Variants in ARID4B observed in about 807,000 individuals in gnomAD.
ARID4B encodes AT-rich interaction domain 4B.
ARID4B carries 26 observed loss-of-function variants against 147.5 expected under a neutral mutation model. The ratio of observed to expected loss-of-function variants is 0.18; its 90% confidence interval spans 0.13 to 0.24. The LOEUF (loss-of-function observed/expected upper bound fraction) is 0.24. Ranked by LOEUF, ARID4B falls within the 10% of genes least tolerant of loss-of-function variation. ARID4B has a pLI of 1.00. For missense variants in ARID4B, 1,179 were observed against 1,511.5 expected (o/e 0.78, Z 3.65); for synonymous variants, 512 against 507.9 (o/e 1.01, Z -0.11).
At chr1:235,229,016 G>A in intron 11 of ARID4B, 1 of 505,748 alleles carries the variant, frequency 2.0e-6, no homozygotes, top group Non-Finnish European at 3.3e-6. Flanking sequence ...GAGGTTATTA[G>A]GAAAATCAGG....
At chr1:235,223,055 T>A (rs1667575119) in intron 13 of ARID4B, 111 bp downstream of exon 13, 2 of 697,794 alleles carry the variant, frequency 2.9e-6, no homozygotes, top group Non-Finnish European at 4.7e-6. Flanking sequence ...CTTCTTAGGT[T>A]TTTACTGAAA....
intron 2 of ARID4B, among the ~76,000 whole-genome samples, chr1:235,265,653 C>G (rs568478732): frequency 2.1e-4 from 32 of 151,528 alleles, no homozygotes; most frequent in Non-Finnish European, 3.8e-4. Context: ...GAGCAGAGAT[C>G]GCGCCACCGC....
At chr1:235,242,736 T>C (rs1476143980) in intron 7 of ARID4B, among the ~76,000 whole-genome samples, 1 of 152,138 alleles carries the variant, frequency 6.6e-6, no homozygotes, top group East Asian at 1.9e-4. Context: ...TCACAGTATA[T>C]CAAAAAGAAA....
At chr1:235,258,847 G>A (rs1289365582) in intron 3 of ARID4B, among the ~76,000 whole-genome samples, 2 of 152,138 alleles carry the variant, frequency 1.3e-5, no homozygotes, top group East Asian at 1.9e-4. Context: ...TGGAGACTAG[G>A]TCTTAACACT....
intron 12 of ARID4B, 93 bp from the exon 13 acceptor site, chr1:235,223,353 T>TTATATATATACACGTATATATA: frequency 2.3e-5 from 6 of 256,572 alleles, no homozygotes; most frequent in Admixed American, 1.2e-4. Flanking sequence ...TTATAGTATT[T>TTATATATATACACGTATATATA]TATATATATA....
chr1:235,226,563 C>T (rs1427932666), intron 11 of ARID4B, among the ~76,000 whole-genome samples: 3 of 151,846 alleles, frequency 2.0e-5, no homozygotes, highest in Non-Finnish European at 4.4e-5. Context: ...GCTCTGTCAC[C>T]CAGGCTGGAG....
chr1:235,177,449 GTTTT>G (rs904261405), intron 21 of ARID4B, among the ~76,000 whole-genome samples: 1 of 151,796 alleles, frequency 6.6e-6, no homozygotes, highest in African/African-American at 2.4e-5. Flanking sequence ...TTTTTGTTTT[GTTTT>G]GTTTGTTTTT....
chr1:235,212,350 T>C (rs917894465), intron 17 of ARID4B, among the ~76,000 whole-genome samples: 5 of 152,210 alleles, frequency 3.3e-5, no homozygotes, highest in African/African-American at 4.8e-5. Context: ...CTTATGTTTC[T>C]GGATGACTAT....
At chr1:235,199,139 T>C (rs940782972) in intron 17 of ARID4B, among the ~76,000 whole-genome samples, 2 of 152,198 alleles carry the variant, frequency 1.3e-5, no homozygotes, top group African/African-American at 4.8e-5. Flanking sequence ...ATACTCTGTA[T>C]GGTTTTAAGA....
intron 17 of ARID4B, 93 bp downstream of exon 17, chr1:235,213,676 T>C: frequency 7.4e-7 from 1 of 1,352,650 alleles, no homozygotes; most frequent in South Asian, 1.5e-5. Flanking sequence ...ATTAGAATAC[T>C]AATAAATCTG....
intron 10 of ARID4B, among the ~76,000 whole-genome samples, chr1:235,230,353 G>A (rs1235704565): frequency 1.3e-5 from 2 of 151,506 alleles, no homozygotes; most frequent in Admixed American, 1.3e-4. Context: ...GGTGGAGGGT[G>A]CACCGAGATT....
chr1:235,231,588 G>C (rs1055059150), intron 9 of ARID4B, among the ~76,000 whole-genome samples: 1 of 152,182 alleles, frequency 6.6e-6, no homozygotes, highest in African/African-American at 2.4e-5. Flanking sequence ...CCAGGCTCAA[G>C]CGATTCTTCT....
Position 235,194,701 on chromosome 1 carries a change from C to A in ARID4B, c.1927-490G>T, listed in dbSNP as rs536633237. Among the ~76,000 whole-genome samples, 4 of 152,202 alleles carry A rather than the reference C, an allele frequency of 2.6e-5. No homozygotes were observed. The East Asian group carries it at 7.7e-4, about 29-fold the overall frequency. On this transcript the variant is annotated intron_variant, in intron 18 of 23. Coordinates refer to ENST00000264183, the MANE Select transcript of ARID4B (RefSeq NM_016374.6). ...CGGGGTGGTGGCGCATGCCTGTAAT[C>A]CCAGCTACTCGGGAGGCTGAGGCAG...
intron 2 of ARID4B, among the ~76,000 whole-genome samples, chr1:235,324,277 C>T (rs775568915): frequency 1.3e-5 from 2 of 152,162 alleles, no homozygotes; most frequent in Non-Finnish European, 2.9e-5. Context: ...ACATCACGAT[C>T]TATGTTACAG....
At chr1:235,327,295 G>A (rs928244076) in intron 1 of ARID4B, 20 of 160,234 alleles carry the variant, frequency 1.2e-4, no homozygotes, top group Non-Finnish European at 1.9e-4. Flanking sequence ...TCTCCCCTAG[G>A]GCCTCGGCGC....
chr1:235,325,607 T>C (rs952096907), intron 2 of ARID4B, among the ~76,000 whole-genome samples: 1 of 152,192 alleles, frequency 6.6e-6, no homozygotes, highest in Non-Finnish European at 1.5e-5. Flanking sequence ...AACATCAAGG[T>C]ACATATACGA....
intron 2 of ARID4B, among the ~76,000 whole-genome samples, chr1:235,262,357 A>T (rs559715346): frequency 6.6e-6 from 1 of 152,328 alleles, no homozygotes; most frequent in East Asian, 1.9e-4. Context: ...CTCAAAACAT[A>T]TCAGTTATAC....
intron 22 of ARID4B, among the ~76,000 whole-genome samples, chr1:235,173,768 AAAAATATATATATATATAT>A (rs1443800806): frequency 2.3e-5 from 1 of 44,226 alleles, no homozygotes; most frequent in African/African-American, 1.4e-4. Flanking sequence ...AAAAAAAAAA[AAAAATATATATATATATAT>A]ATATATATAT....
intron 2 of ARID4B, among the ~76,000 whole-genome samples, chr1:235,279,329 G>T (rs1441747785): frequency 2.6e-5 from 4 of 152,068 alleles, no homozygotes; most frequent in Non-Finnish European, 5.9e-5. Flanking sequence ...GAACCACGTA[G>T]TATGAGGTAT....
Sources: gnomAD v4.1 joint callset for allele counts (sites outside exome capture counted in the v4.1 genomes callset) on GRCh38, gnomAD v4.1.1 for gene constraint, MANE v1.5 for transcripts, NCBI Gene and HGNC (gene_info 2026-07-23, HGNC 2026-07-21) for gene names.